ASS1: variants seen among roughly 807,000 people sequenced by gnomAD.
ASS1 encodes argininosuccinate synthase.
In ASS1, 58 loss-of-function variants were observed where a neutral mutation model predicts 60.5. The ratio of observed to expected loss-of-function variants is 0.96; its 90% CI spans 0.78 to 1.19. ASS1 has a LOEUF of 1.19. Ranked by LOEUF, ASS1 falls within the 50% of genes most tolerant of loss-of-function variation. The pLI is 0.00. For synonymous variants in ASS1, 200 were observed against 206.9 expected, an observed-to-expected ratio of 0.97 and a Z score of 0.29; for missense variants, 454 against 547.3, an observed-to-expected ratio of 0.83 and a Z score of 1.70.
At position 130,444,965 on chromosome 9, in the gene ASS1, C is replaced by A; in HGVS notation, c.-36C>A. The stretch of plus-strand genomic sequence containing the variant: ...GGGATGGGCACCCCTGCCAGTCCTG[C>A]TCTGCCGCCTGCCACCGCTGCCCGA... On this transcript the variant is annotated 5_prime_UTR_variant, in exon 1 of 15. Coordinates refer to ENST00000352480, the MANE Select transcript of ASS1 (RefSeq NM_054012.4). The surrounding 1 kb of genome is among the most constrained non-coding windows in gnomAD (Gnocchi z 4.7). 6.1e-6 allele frequency: 1 copy of A among 164,942 alleles called. No homozygotes were observed. The highest frequency in any genetic ancestry group is 1.3e-5 in the Non-Finnish European group (1 of 79,682). The allele number at this position is 164,942 out of a possible 1,614,324, so 10.2% of individuals were successfully genotyped here.
At chr9:130,445,383 G>C (rs1253290189) in intron 1 of ASS1, among the ~76,000 whole-genome samples, 1 of 152,126 alleles carries the variant, frequency 6.6e-6, no homozygotes, top group Non-Finnish European at 1.5e-5. Context: ...CGGAGCGTGT[G>C]GGGGGGCTCC....
chr9:130,452,989 C>T (rs1327362986), intron 2 of ASS1, among the ~76,000 whole-genome samples: 2 of 152,230 alleles, frequency 1.3e-5, no homozygotes, highest in African/African-American at 4.8e-5. Flanking sequence ...AGGGAAAAGA[C>T]AATTCTTGGC....
chr9:130,469,859 C>T (rs894568710), intron 6 of ASS1, among the ~76,000 whole-genome samples: 4 of 152,036 alleles, frequency 2.6e-5, no homozygotes, highest in Non-Finnish European at 5.9e-5. Flanking sequence ...GAGGGTGACC[C>T]GGTGGGGGCT....
At chr9:130,480,486 G>A (rs1846144034) in intron 11 of ASS1, 37 bp downstream of exon 11, 1 of 1,604,656 alleles carries the variant, frequency 6.2e-7, no homozygotes, top group East Asian at 2.2e-5. Flanking sequence ...CCTGCCTCGG[G>A]ACCCAGCAAA....
intron 4 of ASS1, among the ~76,000 whole-genome samples, chr9:130,462,543 A>C (rs1028300174): frequency 6.6e-6 from 1 of 152,136 alleles, no homozygotes; most frequent in Non-Finnish European, 1.5e-5. Context: ...GGGTGTCCGC[A>C]TGGCAGCATC....
intron 10 of ASS1, 60 bp from the exon 11 acceptor site, chr9:130,480,325 G>A: frequency 6.3e-7 from 1 of 1,597,402 alleles, no homozygotes; most frequent in Non-Finnish European, 8.6e-7. Context: ...AGCCCAGCTG[G>A]GTGGGTGACT....
Position 130,479,733 on chromosome 9 carries a change from A to G in ASS1, c.706A>G (p.Thr236Ala), listed in dbSNP as rs745415384. 5 of 1,614,122 alleles carry G rather than the reference A, an allele frequency of 3.1e-6. No individual in the cohort carries two copies. The South Asian group carries it at 4.4e-5, about 14-fold the overall frequency. ...CACCCTAGGGGTCCCTGTGAAGGTG[A>G]CCAACGTCAAGGATGGCACCACCCA... Reference protein sequence around the residue: ...EFKKGVPVKVTNVKDGTTHQT... With the variant: ...EFKKGVPVKVANVKDGTTHQT... Residue 236 changes from threonine (T) to alanine (A), a missense_variant, in exon 10 of 15, where the codon ACC (threonine) becomes GCC (alanine). By Grantham distance (58) the Thr-to-Ala change is moderately conservative. Transcript: ENST00000352480.
chr9:130,472,130 T>A (rs1002477847), intron 8 of ASS1, among the ~76,000 whole-genome samples: 1 of 152,080 alleles, frequency 6.6e-6, no homozygotes, highest in Non-Finnish European at 1.5e-5. Context: ...AAATCTATCA[T>A]GGGAAGAGAA....
At chr9:130,468,425 T>C (rs1845795763) in intron 6 of ASS1, among the ~76,000 whole-genome samples, 1 of 152,094 alleles carries the variant, frequency 6.6e-6, no homozygotes, top group African/African-American at 2.4e-5. Flanking sequence ...AAAAAATTTT[T>C]TTTAGAGACA....
rs1845810735 is a variant in ASS1, at chr9:130,469,031, G to A, written c.496-1803G>A. ...GCCCTTTAGCCTCTCCTTGCTCCTG[G>A]ACGGAGGTCCGCTGAGAAGGGAGGC... On this transcript the variant is annotated intron_variant, in intron 6 of 14. Transcript: ENST00000352480. 6.6e-5 allele frequency among the ~76,000 whole-genome samples: 10 copies of A among 152,344 alleles called. No homozygotes were observed. In the South Asian group the frequency reaches 1.9e-3, roughly 28 times the overall value.
intron 1 of ASS1, among the ~76,000 whole-genome samples, chr9:130,449,136 G>A (rs1845267317): frequency 6.6e-6 from 1 of 152,046 alleles, no homozygotes; most frequent in Non-Finnish European, 1.5e-5. Context: ...TTCGAGTCCA[G>A]CCTGGGCAAT....
intron 8 of ASS1, among the ~76,000 whole-genome samples, chr9:130,472,079 G>A (rs1390628469): frequency 6.6e-6 from 1 of 152,136 alleles, no homozygotes; most frequent in Non-Finnish European, 1.5e-5. Flanking sequence ...GCTTCTTTGT[G>A]TCTACCCCTG....
rs1457270102 is a variant in ASS1, at chr9:130,452,314, A to G, written c.86A>G (p.Tyr29Cys). 2.5e-6 allele frequency: 4 copies of G among 1,614,070 alleles called. No individual in the cohort carries two copies. Among genetic ancestry groups the G allele is most frequent in the Admixed American group, 1.7e-5 (1 of 60,020 alleles). Residue 29 changes from tyrosine (Y) to cysteine (C), a missense_variant, in exon 2 of 15, where the codon TAT becomes TGT. Physicochemically the swap from Tyr to Cys is radical, Grantham distance 194 (BLOSUM62 -2). Transcript: ENST00000352480. ...CILVWLKEQG[Y>C]DVIAYLANIG... ...CTCGTGTGGCTGAAGGAACAAGGCT[A>G]TGACGTCATTGCCTATCTGGTGAGG...
chr9:130,445,275 G>T, intron 1 of ASS1: 7 of 958,378 alleles, frequency 7.3e-6, no homozygotes, highest in Non-Finnish European at 8.7e-6. Context: ...GAGCGGCTCG[G>T]GTTATTTGTT....
chr9:130,483,928 G>C (rs540558691), intron 11 of ASS1, among the ~76,000 whole-genome samples: 2 of 151,900 alleles, frequency 1.3e-5, no homozygotes, highest in East Asian at 3.9e-4. Flanking sequence ...GAAGGAACAA[G>C]GGCTGTCACC....
chr9:130,480,331 T>G, intron 10 of ASS1, 54 bp from the exon 11 acceptor site: 1 of 1,606,488 alleles, frequency 6.2e-7, no homozygotes. Context: ...GCTGGGTGGG[T>G]GACTCTGAGC....
At chr9:130,493,489 C>T (rs1332982955) in intron 12 of ASS1, among the ~76,000 whole-genome samples, 2 of 152,152 alleles carry the variant, frequency 1.3e-5, no homozygotes, top group Non-Finnish European at 2.9e-5. Context: ...TCAACCTCTA[C>T]TCTCCGTGCT....
chr9:130,493,766 C>A (rs1275517363), intron 12 of ASS1, among the ~76,000 whole-genome samples: 1 of 152,190 alleles, frequency 6.6e-6, no homozygotes. Context: ...TGCCTGCCTG[C>A]CTGCCTGCCC....
intron 8 of ASS1, among the ~76,000 whole-genome samples, chr9:130,472,413 A>G (rs1845889427): frequency 6.6e-6 from 1 of 152,042 alleles, no homozygotes; most frequent in Admixed American, 6.5e-5. Flanking sequence ...GTAATATCAC[A>G]TGGCAGCCAC....
Sources: allele counts gnomAD v4.1 joint callset (sites outside exome capture counted in the v4.1 genomes callset), GRCh38; gene constraint gnomAD v4.1.1; non-coding constraint Gnocchi (gnomAD v3.1); transcripts MANE v1.5; gene names NCBI Gene and HGNC (gene_info 2026-07-23, HGNC 2026-07-21).